The following FAM124A variants were observed in gnomAD, a reference collection of about 807,000 sequenced individuals.
FAM124A encodes protein FAM124A.
A neutral mutation model predicts 24.5 loss-of-function variants in FAM124A; 23 were observed. The observed-to-expected ratio is 0.94, with a 90% CI of 0.68 to 1.33. The LOEUF (loss-of-function observed/expected upper bound fraction) is 1.33, where lower values mean the gene tolerates loss of function less well. FAM124A is among the 40% of genes most tolerant of loss of function. The probability of loss-of-function intolerance (pLI) is 0.00; values close to 1 mark genes in which losing one functional copy is unlikely to be tolerated. For synonymous variants in FAM124A, 287 were observed against 314.7 expected (o/e 0.91, Z 0.93); for missense variants, 623 against 722.8 (o/e 0.86, Z 1.58).
chr13:51,245,584 TACTC>T (rs1425308900), intron 2 of FAM124A, among the ~76,000 whole-genome samples: 1 of 152,264 alleles, frequency 6.6e-6, no homozygotes, highest in Non-Finnish European at 1.5e-5. Context: ...GGCTCTTTTA[TACTC>T]ACTATGTGCC....
At chr13:51,253,833 G>A (rs1384007571) in intron 3 of FAM124A, among the ~76,000 whole-genome samples, 3 of 152,202 alleles carry the variant, frequency 2.0e-5, no homozygotes, top group African/African-American at 7.2e-5. Flanking sequence ...ACAACAGAGT[G>A]TGAAAGAGTA....
chr13:51,245,315 G>A (rs1416021182), intron 2 of FAM124A: 2 of 674,192 alleles, frequency 3.0e-6, no homozygotes, highest in Admixed American at 2.3e-5. Context: ...TATGCAGATG[G>A]ATTCTCCACC....
At chr13:51,228,732 G>A (rs1367913739) in intron 1 of FAM124A, among the ~76,000 whole-genome samples, 1 of 152,094 alleles carries the variant, frequency 6.6e-6, no homozygotes, top group African/African-American at 2.4e-5. Context: ...TTTGTAGTTT[G>A]TCTTTCCTAA....
chr13:51,261,681 G>A (rs1221824394), intron 3 of FAM124A, among the ~76,000 whole-genome samples: 1 of 152,172 alleles, frequency 6.6e-6, no homozygotes, highest in Non-Finnish European at 1.5e-5. Flanking sequence ...AGCTTATTTA[G>A]TTTGGTCCGT....
At chr13:51,257,348 G>A (rs1033546313) in intron 3 of FAM124A, among the ~76,000 whole-genome samples, 3 of 152,214 alleles carry the variant, frequency 2.0e-5, no homozygotes, top group Admixed American at 2.0e-4. Flanking sequence ...GCAGAGAAAG[G>A]CCTGCTCTTC....
chr13:51,273,311 C>T (rs561428320), intron 3 of FAM124A, among the ~76,000 whole-genome samples: 1 of 152,234 alleles, frequency 6.6e-6, no homozygotes, highest in East Asian at 1.9e-4. Flanking sequence ...GGTTAAACAT[C>T]CTCACAGGAC....
chr13:51,239,855 AAC>A (rs1566163351), intron 2 of FAM124A, among the ~76,000 whole-genome samples: 1 of 152,234 alleles, frequency 6.6e-6, no homozygotes, highest in Non-Finnish European at 1.5e-5. Context: ...AGGTTTTTTA[AAC>A]AATAACAATG....
chr13:51,245,868 G>C (rs1285715880), intron 2 of FAM124A, among the ~76,000 whole-genome samples: 1 of 152,162 alleles, frequency 6.6e-6, no homozygotes, highest in East Asian at 1.9e-4. Context: ...TTAATTTTCT[G>C]TTAAATTTAA....
intron 2 of FAM124A, among the ~76,000 whole-genome samples, chr13:51,240,996 A>G (rs543000437): frequency 8.9e-4 from 136 of 152,248 alleles, no homozygotes; most frequent in South Asian, 1.7e-3. Flanking sequence ...GCAGCCCCAC[A>G]TGTTCTTCTG....
chr13:51,238,987 T>C (rs1055641098), intron 2 of FAM124A, among the ~76,000 whole-genome samples: 2 of 152,158 alleles, frequency 1.3e-5, no homozygotes, highest in Admixed American at 1.3e-4. Context: ...GTTGTGTGAC[T>C]TCAACTCGAC....
At chr13:51,259,521 C>T (rs546169778) in intron 3 of FAM124A, among the ~76,000 whole-genome samples, 16 of 152,196 alleles carry the variant, frequency 1.1e-4, no homozygotes, top group African/African-American at 3.6e-4. Context: ...AAACACACGC[C>T]GGCTGCCTCA....
intron 1 of FAM124A, among the ~76,000 whole-genome samples, chr13:51,228,771 G>T (rs546344593): frequency 3.0e-4 from 45 of 151,826 alleles, no homozygotes; most frequent in Admixed American, 7.8e-4. Flanking sequence ...AGCTTTTGAG[G>T]TTATTTGGAA....
At chr13:51,278,412 C>T (rs1593613665) in intron 3 of FAM124A, among the ~76,000 whole-genome samples, 1 of 152,268 alleles carries the variant, frequency 6.6e-6, no homozygotes, top group Middle Eastern at 3.4e-3. Flanking sequence ...TGCGGGTTGT[C>T]TTTAAATCCA....
intron 3 of FAM124A, among the ~76,000 whole-genome samples, chr13:51,261,660 C>G (rs147844982): frequency 6.6e-6 from 1 of 152,282 alleles, no homozygotes; most frequent in Non-Finnish European, 1.5e-5. Context: ...CTTGCCCTTC[C>G]TTTCTCACTT....
In FAM124A at chr13:51,251,836, A is replaced by G. The variant is rs1566168233; in HGVS notation, c.469A>G (p.Thr157Ala). The change falls in exon 3 of 4, where the codon ACG becomes GCG. Residue 157 changes from threonine to alanine, a missense_variant. Thr to Ala is a moderately conservative substitution (Grantham distance 58). Coordinates refer to ENST00000322475, the MANE Select transcript of FAM124A (RefSeq NM_001242312.2). This position sits in a 1 kb window ranked among gnomAD's most constrained non-coding sequence, Gnocchi z 5.3. ...SQDFFTLAPG[T>A]PLWAIRPVHY... ...GGACTTCTTCACGCTGGCCCCTGGG[A>G]CGCCGCTTTGGGCCATCCGGCCCGT... is the stretch of plus-strand genomic sequence containing the variant. The G allele has an allele frequency of 1.2e-6, 2 of 1,608,874 alleles. No homozygotes were observed. Among genetic ancestry groups the G allele is most frequent in the Non-Finnish European group, 1.7e-6 (2 of 1,177,684 alleles).
At chr13:51,266,274 G>A (rs551264156) in intron 3 of FAM124A, among the ~76,000 whole-genome samples, 2 of 152,262 alleles carry the variant, frequency 1.3e-5, no homozygotes, top group Admixed American at 1.3e-4. Context: ...GACACACACA[G>A]TGTCTCTGTC....
At position 51,232,215 on chromosome 13, in the gene FAM124A, C is replaced by T. The variant is rs552709374; in HGVS notation, c.100+836C>T. On this transcript the variant is annotated intron_variant, in intron 2 of 3. Coordinates refer to ENST00000322475, the MANE Select transcript of FAM124A (RefSeq NM_001242312.2). Reference sequence around the variant, plus strand: ...ATATTAAAGTACAGGTAAATTTACTCATGAGAAATTATGCCTCATAACTAG... The same window carrying T: ...ATATTAAAGTACAGGTAAATTTACTTATGAGAAATTATGCCTCATAACTAG... Among the ~76,000 whole-genome samples, 12 of 152,252 alleles carry T rather than the reference C, an allele frequency of 7.9e-5. No individual in the cohort carries two copies. In the South Asian group the frequency reaches 2.3e-3, roughly 29 times the overall value.
chr13:51,252,599 C>A (rs570870282), intron 3 of FAM124A: 1 of 209,422 alleles, frequency 4.8e-6, no homozygotes, highest in Non-Finnish European at 9.6e-6. Flanking sequence ...TCTTCCCTCC[C>A]ACAAAGGAAC....
intron 3 of FAM124A, among the ~76,000 whole-genome samples, chr13:51,271,966 C>T (rs945217487): frequency 1.9e-4 from 29 of 152,206 alleles, no homozygotes; most frequent in African/African-American, 6.8e-4. Context: ...GGTCAGCTAG[C>T]TCAGCCTTGC....
Sources: allele counts gnomAD v4.1 joint callset (sites outside exome capture counted in the v4.1 genomes callset), GRCh38; gene constraint gnomAD v4.1.1; non-coding constraint Gnocchi (gnomAD v3.1); transcripts MANE v1.5; gene names NCBI Gene and HGNC (gene_info 2026-07-23, HGNC 2026-07-21).